Variants in UBE2G1 observed in about 807,000 individuals in gnomAD.
The protein encoded by UBE2G1 is ubiquitin-conjugating enzyme E2 G1.
Under a neutral mutation model 22.7 loss-of-function variants are expected in UBE2G1, and 5 were observed. That is an observed-to-expected ratio of 0.22 (90% CI 0.12 to 0.46). UBE2G1 has a LOEUF of 0.46. Among genes scored for constraint, UBE2G1 ranks in the 20% least tolerant of loss-of-function variants. The pLI is 0.99. For synonymous variants in UBE2G1, 74 were observed against 67.5 expected (o/e 1.10, Z -0.47); for missense variants, 88 against 203.9 (o/e 0.43, Z 3.46).
At chr17:4,356,350 C>G (rs898784207) in intron 1 of UBE2G1, among the ~76,000 whole-genome samples, 1 of 151,540 alleles carries the variant, frequency 6.6e-6, no homozygotes. Context: ...AAGAGCGAAA[C>G]TGTCTCAAAA....
intron 3 of UBE2G1, among the ~76,000 whole-genome samples, chr17:4,292,017 T>G (rs1598182535): frequency 6.6e-6 from 1 of 152,066 alleles, no homozygotes; most frequent in African/African-American, 2.4e-5. Context: ...TCATTAGAGA[T>G]GAAACTAAGC....
intron 1 of UBE2G1, among the ~76,000 whole-genome samples, chr17:4,340,769 T>A (rs946409792): frequency 6.6e-6 from 1 of 150,830 alleles, no homozygotes; most frequent in Non-Finnish European, 1.5e-5. Context: ...AACATACTAT[T>A]TTTTTTTATT....
intron 1 of UBE2G1, among the ~76,000 whole-genome samples, chr17:4,334,911 A>G (rs1176978418): frequency 1.3e-5 from 2 of 152,144 alleles, no homozygotes; most frequent in African/African-American, 2.4e-5. Context: ...ACATAAATAT[A>G]TAAAATTGAA....
chr17:4,311,238 T>C (rs1969306824), intron 1 of UBE2G1, among the ~76,000 whole-genome samples: 1 of 152,062 alleles, frequency 6.6e-6, no homozygotes, highest in Non-Finnish European at 1.5e-5. Context: ...GTTTAAAAAA[T>C]AATTTTTTTT....
rs1322355716 is a variant in UBE2G1 at position 4,312,001 on chromosome 17, C to T, written c.47-4878G>A. Among the ~76,000 whole-genome samples, 29 of 145,298 alleles carry T rather than the reference C, an allele frequency of 2.0e-4. No individual in the cohort carries two copies. The Admixed American group carries it at 2.1e-3, about 10-fold the overall frequency. ...GTGGCTCCCGCCTGTAATCCCGACA[C>T]TTTGGGATGCCAAGGCGGGTGGATC... On this transcript the variant is annotated intron_variant, in intron 1 of 5. Transcript: ENST00000396981.
At chr17:4,329,317 T>C (rs1969540694) in intron 1 of UBE2G1, among the ~76,000 whole-genome samples, 1 of 151,414 alleles carries the variant, frequency 6.6e-6, no homozygotes, top group South Asian at 2.1e-4. Context: ...GAGAACTGCT[T>C]GAACCTGGGA....
intron 2 of UBE2G1, among the ~76,000 whole-genome samples, chr17:4,297,825 A>G (rs558789428): frequency 6.6e-6 from 1 of 152,342 alleles, no homozygotes; most frequent in African/African-American, 2.4e-5. Context: ...TACCATTTGC[A>G]CATCTGATTC....
chr17:4,310,288 C>T (rs17764245), intron 1 of UBE2G1, among the ~76,000 whole-genome samples: 3,484 of 152,208 alleles, frequency 0.023, 68 homozygotes, highest in East Asian at 0.076. Context: ...TGACCAACAT[C>T]GGCTCCTGAT....
chr17:4,316,832 G>A (rs1969380155), intron 1 of UBE2G1, among the ~76,000 whole-genome samples: 1 of 151,546 alleles, frequency 6.6e-6, no homozygotes, highest in Non-Finnish European at 1.5e-5. Context: ...CCTAGCTACT[G>A]GGGACGCTGA....
chr17:4,276,000 C>T (rs4790603), intron 5 of UBE2G1, among the ~76,000 whole-genome samples: 129,052 of 152,110 alleles, frequency 0.85, 55,460 homozygotes, highest in East Asian at 0.95. Flanking sequence ...AAGCCAGTCT[C>T]TGTCTCTTCC....
intron 4 of UBE2G1, among the ~76,000 whole-genome samples, chr17:4,284,903 G>A (rs1968944525): frequency 7.5e-6 from 1 of 133,598 alleles, no homozygotes; most frequent in Admixed American, 8.8e-5. Context: ...GAAGTGCAGT[G>A]GTGATCATAG....
chr17:4,301,510 G>C (rs1969179792), intron 2 of UBE2G1: 10 of 997,630 alleles, frequency 1.0e-5, no homozygotes, highest in Middle Eastern at 2.2e-4. Context: ...AAACGGAACA[G>C]GCAGGTGAAC....
At chr17:4,323,305 C>T (rs1969464992) in intron 1 of UBE2G1, among the ~76,000 whole-genome samples, 1 of 152,064 alleles carries the variant, frequency 6.6e-6, no homozygotes, top group South Asian at 2.1e-4. Flanking sequence ...TTAAGAGCAA[C>T]CTGTAAAACA....
chr17:4,362,968 CA>C (rs1481123411), intron 1 of UBE2G1, among the ~76,000 whole-genome samples: 1 of 152,048 alleles, frequency 6.6e-6, no homozygotes, highest in Admixed American at 6.6e-5. Context: ...ACTAAAAATA[CA>C]AAAATTGGCC....
At chr17:4,333,959 C>A (rs1969614440) in intron 1 of UBE2G1, among the ~76,000 whole-genome samples, 1 of 148,992 alleles carries the variant, frequency 6.7e-6, no homozygotes, top group Non-Finnish European at 1.5e-5. Context: ...TATCACTGAT[C>A]ACCTTCATTT....
chr17:4,317,087 C>T (rs1379520599), intron 1 of UBE2G1, among the ~76,000 whole-genome samples: 1 of 151,878 alleles, frequency 6.6e-6, no homozygotes, highest in South Asian at 2.1e-4. Context: ...TGGTGGCTCA[C>T]GCCTGTAATC....
Position 4,296,586 on chromosome 17 carries a change from A to G in UBE2G1, c.247+131T>C. 2.4e-6 allele frequency: 2 copies of G among 826,524 alleles called. 1 individual carries two copies. Among genetic ancestry groups the G allele is most frequent in the South Asian group, 2.7e-5 (2 of 74,842 alleles). 51.2% of individuals were successfully genotyped at this position (826,524 alleles called of 1,614,324 possible). On this transcript the variant is annotated intron_variant, in intron 3 of 5. Transcript: ENST00000396981. ...CTTTTAAAGGTTTTAGTACACAGCC[A>G]TGTGCACAATGAACAGTACAAAAAT...
At chr17:4,301,484 C>T in intron 2 of UBE2G1, 1 of 828,068 alleles carries the variant, frequency 1.2e-6, no homozygotes, top group East Asian at 2.5e-5. Flanking sequence ...ATCCTGCTGC[C>T]CTTCAGACTC....
chr17:4,361,856 C>T (rs1969971713), intron 1 of UBE2G1, among the ~76,000 whole-genome samples: 1 of 151,316 alleles, frequency 6.6e-6, no homozygotes, highest in African/African-American at 2.4e-5. Flanking sequence ...GCACAAGAAA[C>T]GCTTGAACCC....
Sources: allele counts gnomAD v4.1 joint callset (sites outside exome capture counted in the v4.1 genomes callset), GRCh38; gene constraint gnomAD v4.1.1; transcripts MANE v1.5; gene names NCBI Gene and HGNC (gene_info 2026-07-23, HGNC 2026-07-21).